Variants in TRAPPC9 observed in about 807,000 individuals in gnomAD.
The protein encoded by TRAPPC9 is trafficking protein particle complex subunit 9, also known as IKK2 binding protein.
A neutral mutation model predicts 124.0 loss-of-function variants in TRAPPC9; 83 were observed. That is an observed-to-expected ratio of 0.67 (90% CI 0.56 to 0.80). TRAPPC9 has a LOEUF of 0.80. Among genes scored for constraint, TRAPPC9 ranks in the 30% least tolerant of loss-of-function variants. The pLI, the probability that TRAPPC9 is intolerant of heterozygous loss-of-function variation, is 0.00. For missense variants in TRAPPC9, 1,302 were observed against 1,508.3 expected (o/e 0.86, Z 2.27); for synonymous variants, 638 against 617.5 (o/e 1.03, Z -0.49).
intron 21 of TRAPPC9, among the ~76,000 whole-genome samples, chr8:139,858,852 C>T (rs551028913): frequency 2.0e-5 from 3 of 151,394 alleles, no homozygotes; most frequent in Non-Finnish European, 2.9e-5. Flanking sequence ...ACACCCTCCC[C>T]ACCCGCTCTA....
rs112525902 is a variant in TRAPPC9 at position 140,157,356 on chromosome 8, CT to C, written c.2556+64102del. 7.9e-3 allele frequency among the ~76,000 whole-genome samples: 837 copies of C among 106,340 alleles called. 41 individuals carry two copies. The highest frequency in any genetic ancestry group is 0.02 in the Admixed American group (205 of 10,302). 69.8% of individuals were successfully genotyped at this position (106,340 alleles called of 152,430 possible). On this transcript the variant is annotated intron_variant, in intron 17 of 22. Coordinates refer to ENST00000438773, the MANE Select transcript of TRAPPC9 (RefSeq NM_001160372.4). ...CTCCCTTTTCCATTCAGAAGCCTCC[CT>C]TTTCCATTCAGAAGCCTCCCTTTTC...
intron 15 of TRAPPC9, among the ~76,000 whole-genome samples, chr8:140,259,609 C>T (rs7388587): frequency 0.79 from 120,101 of 152,250 alleles, 48,126 homozygotes; most frequent in African/African-American, 0.95. Context: ...CTTACAATAG[C>T]GCCCAGCTTA....
intron 17 of TRAPPC9, among the ~76,000 whole-genome samples, chr8:140,119,846 C>T (rs2060952740): frequency 6.6e-6 from 1 of 152,208 alleles, no homozygotes; most frequent in South Asian, 2.1e-4. Flanking sequence ...CCCCCTTCCT[C>T]TCACCTGGGC....
chr8:140,135,329 CA>C (rs2061281620), intron 17 of TRAPPC9, among the ~76,000 whole-genome samples: 1 of 152,140 alleles, frequency 6.6e-6, no homozygotes. Context: ...CTCAGGGATT[CA>C]AACATATAAT....
chr8:139,880,221 G>A (rs1363804162), intron 21 of TRAPPC9, among the ~76,000 whole-genome samples: 1 of 152,128 alleles, frequency 6.6e-6, no homozygotes, highest in African/African-American at 2.4e-5. Context: ...CTGCAGTCAG[G>A]GACCAACCCA....
intron 9 of TRAPPC9, among the ~76,000 whole-genome samples, chr8:140,352,502 G>C (rs1363054412): frequency 1.3e-5 from 2 of 152,186 alleles, no homozygotes; most frequent in Admixed American, 6.5e-5. Flanking sequence ...GCCTAATCTT[G>C]ATCCACACTT....
rs1382818372 is a variant in TRAPPC9 at position 140,056,018 on chromosome 8, T to C, written c.2557-31939A>G. ...CCTTAAAATTCATATGGAACCATTA[T>C]GAACCCAGAACAGCCAAAACCATCT... On this transcript the variant is annotated intron_variant, in intron 17 of 22. Transcript: ENST00000438773. 3.3e-5 allele frequency among the ~76,000 whole-genome samples: 5 copies of C among 152,170 alleles called. No homozygotes were observed. In the East Asian group the frequency reaches 9.6e-4, roughly 29 times the overall value.
At chr8:140,113,531 A>G (rs969870820) in intron 17 of TRAPPC9, among the ~76,000 whole-genome samples, 3 of 152,228 alleles carry the variant, frequency 2.0e-5, no homozygotes, top group Admixed American at 1.3e-4. Flanking sequence ...TCAGGGTTGC[A>G]GGAGCAGGCA....
intron 16 of TRAPPC9, among the ~76,000 whole-genome samples, chr8:140,232,083 T>TA (rs1554647757): frequency 5.9e-5 from 9 of 151,774 alleles, no homozygotes; most frequent in East Asian, 5.8e-4. Context: ...CTGTTTTTTT[T>TA]AAAAAAACAT....
chr8:140,081,689 T>C (rs914893379), intron 17 of TRAPPC9, among the ~76,000 whole-genome samples: 1 of 152,136 alleles, frequency 6.6e-6, no homozygotes, highest in African/African-American at 2.4e-5. Context: ...GTGTAAGGCA[T>C]TTCGCATAAA....
At chr8:140,050,290 G>A (rs80270339) in intron 17 of TRAPPC9, among the ~76,000 whole-genome samples, 4,686 of 152,324 alleles carry the variant, frequency 0.031, 103 homozygotes, top group Non-Finnish European at 0.05. Flanking sequence ...CAGCTGTGGG[G>A]AGTCTGGCAT....
chr8:140,128,459 T>C (rs779240247), intron 17 of TRAPPC9, among the ~76,000 whole-genome samples: 5 of 152,238 alleles, frequency 3.3e-5, no homozygotes, highest in Non-Finnish European at 7.3e-5. Flanking sequence ...CTGAGGTTAA[T>C]GAGCGGCTAA....
intron 9 of TRAPPC9, among the ~76,000 whole-genome samples, chr8:140,354,703 T>A (rs2067686450): frequency 1.3e-5 from 2 of 152,204 alleles, no homozygotes; most frequent in South Asian, 4.1e-4. Flanking sequence ...TTTAGAAATG[T>A]TAGTTATCAA....
At chr8:139,833,718 C>T (rs1275705944) in intron 21 of TRAPPC9, among the ~76,000 whole-genome samples, 5 of 152,198 alleles carry the variant, frequency 3.3e-5, no homozygotes, top group East Asian at 1.9e-4. Context: ...AAAGAAGGGC[C>T]GCTGCTAATG....
At chr8:139,893,509 A>C (rs930988332) in intron 20 of TRAPPC9, among the ~76,000 whole-genome samples, 1 of 152,264 alleles carries the variant, frequency 6.6e-6, no homozygotes, top group Admixed American at 6.5e-5. Context: ...TCCCTTGAGG[A>C]ACCGTGAACA....
At chr8:140,022,711 G>A (rs1401308398) in intron 18 of TRAPPC9, among the ~76,000 whole-genome samples, 1 of 152,154 alleles carries the variant, frequency 6.6e-6, no homozygotes, top group Non-Finnish European at 1.5e-5. Context: ...AGCCATCCTG[G>A]CCAAGCTTCC....
chr8:139,731,790 C>G (rs1362569501), intron 22 of TRAPPC9, among the ~76,000 whole-genome samples, 189 bp downstream of exon 22: 5 of 152,174 alleles, frequency 3.3e-5, no homozygotes, highest in Non-Finnish European at 7.4e-5. Context: ...GACTGAGAGA[C>G]AGGTGAGCTT....
chr8:140,084,325 G>T (rs1051283717), intron 17 of TRAPPC9, among the ~76,000 whole-genome samples: 3 of 152,086 alleles, frequency 2.0e-5, no homozygotes, highest in African/African-American at 7.2e-5. Context: ...AATAGATAGG[G>T]TAATAAAAAT....
chr8:139,935,054 C>CT (rs1253094832), intron 19 of TRAPPC9, among the ~76,000 whole-genome samples: 3 of 152,200 alleles, frequency 2.0e-5, no homozygotes, highest in African/African-American at 7.2e-5. Context: ...AGACCTGTCA[C>CT]TTCACTGCTC....
Sources: gnomAD v4.1 joint callset for allele counts (sites outside exome capture counted in the v4.1 genomes callset) on GRCh38, gnomAD v4.1.1 for gene constraint, MANE v1.5 for transcripts, NCBI Gene and HGNC (gene_info 2026-07-23, HGNC 2026-07-21) for gene names.